Variants in DZIP3 observed in about 807,000 individuals in gnomAD.
The protein encoded by DZIP3 is DAZ interacting zinc finger protein 3.
A neutral mutation model predicts 162.0 loss-of-function variants in DZIP3; 118 were observed. The ratio of observed to expected loss-of-function variants is 0.73; its 90% CI spans 0.63 to 0.85. DZIP3 has a LOEUF of 0.85. Ranked by LOEUF, DZIP3 falls within the 40% of genes least tolerant of loss-of-function variation. DZIP3 has a pLI of 0.00. For synonymous variants in DZIP3, 438 were observed against 458.6 expected, an observed-to-expected ratio of 0.96 and a Z score of 0.57; for missense variants, 1,331 against 1,407.0, an observed-to-expected ratio of 0.95 and a Z score of 0.86.
At position 108,629,261 on chromosome 3, in the gene DZIP3, T is replaced by C. The variant is rs956556765; in HGVS notation, c.696+85T>C. ...CATATTCTTACAGCAAGCATGTTCTTTTATTGGCACATAACTTTTTATACA... is the reference window on the plus strand; with the variant it reads ...CATATTCTTACAGCAAGCATGTTCTCTTATTGGCACATAACTTTTTATACA... On this transcript the variant is annotated intron_variant, in intron 8 of 32. Coordinates refer to ENST00000361582, the MANE Select transcript of DZIP3 (RefSeq NM_014648.4). 15 of 890,980 alleles carry C rather than the reference T, an allele frequency of 1.7e-5. No individual in the cohort carries two copies. In the African/African-American group the frequency reaches 2.4e-4, roughly 14 times the overall value. The allele number at this position is 890,980 out of a possible 1,614,324, so 55.2% of individuals were successfully genotyped here. A position where few individuals can be genotyped will look rare whatever the true frequency, so the allele number is the denominator to read the frequency against.
chr3:108,622,880 C>CTGTGTGTGTG (rs1553703883), intron 5 of DZIP3, among the ~76,000 whole-genome samples: 24 of 53,094 alleles, frequency 4.5e-4, no homozygotes, highest in South Asian at 9.1e-4. Flanking sequence ...CTCTCTCTCT[C>CTGTGTGTGTG]TGTGTGTGTG....
intron 19 of DZIP3, among the ~76,000 whole-genome samples, chr3:108,660,796 A>AAAC (rs369285907): frequency 2.0e-5 from 3 of 151,900 alleles, no homozygotes; most frequent in South Asian, 2.1e-4. Context: ...TTACAAGAAA[A>AAAC]AAACAACCCC....
intron 5 of DZIP3, among the ~76,000 whole-genome samples, chr3:108,620,432 C>A (rs1353665804): frequency 6.6e-6 from 1 of 152,186 alleles, no homozygotes; most frequent in Admixed American, 6.5e-5. Context: ...AGCCAAAGAT[C>A]AACTTTGCAA....
chr3:108,600,888 C>G (rs1939975905), intron 1 of DZIP3, among the ~76,000 whole-genome samples: 1 of 152,156 alleles, frequency 6.6e-6, no homozygotes, highest in South Asian at 2.1e-4. Context: ...TTGACACACA[C>G]TCTGCTTTGA....
chr3:108,685,883 T>A (rs1012640951), intron 27 of DZIP3, among the ~76,000 whole-genome samples: 1 of 152,190 alleles, frequency 6.6e-6, no homozygotes, highest in African/African-American at 2.4e-5. Context: ...CGTGTATACA[T>A]ATGCATTTAA....
At chr3:108,599,855 A>G (rs1939905572) in intron 1 of DZIP3, among the ~76,000 whole-genome samples, 1 of 152,210 alleles carries the variant, frequency 6.6e-6, no homozygotes, top group Non-Finnish European at 1.5e-5. Flanking sequence ...CTTTGCTGAC[A>G]CATTGATCTC....
intron 20 of DZIP3, 53 bp downstream of exon 20, chr3:108,662,025 A>G: frequency 6.3e-7 from 1 of 1,591,794 alleles, no homozygotes; most frequent in Non-Finnish European, 8.6e-7. Flanking sequence ...TTCAAATATT[A>G]AACTTACTGG....
intron 27 of DZIP3, among the ~76,000 whole-genome samples, chr3:108,684,997 T>C (rs1944447462): frequency 6.6e-6 from 1 of 152,210 alleles, no homozygotes; most frequent in Non-Finnish European, 1.5e-5. Context: ...ATGAAAATTC[T>C]CTAATCTTGA....
chr3:108,674,283 A>G lies in DZIP3; in HGVS notation c.2693+102A>G, dbSNP rs148368556. On this transcript the variant is annotated intron_variant, in intron 24 of 32. Coordinates refer to ENST00000361582, the MANE Select transcript of DZIP3 (RefSeq NM_014648.4). ...TGATGTGTTTTACATATGTGACATC[A>G]GAGTTCTTAAAGAAGCTCTTGTGGT... is the stretch of plus-strand genomic sequence containing the variant. 177 of 970,116 alleles carry G rather than the reference A, an allele frequency of 1.8e-4. 1 individual carries two copies. The African/African-American group carries it at 2.7e-3, about 15-fold the overall frequency. 60.1% of individuals were successfully genotyped at this position (970,116 alleles called of 1,614,324 possible).
At chr3:108,681,482 G>A (rs1364825178) in intron 26 of DZIP3, among the ~76,000 whole-genome samples, 1 of 152,080 alleles carries the variant, frequency 6.6e-6, no homozygotes, top group Admixed American at 6.6e-5. Context: ...ACTGTTGGTG[G>A]GAGTGTAAAT....
At chr3:108,603,955 C>T (rs1940178458) in intron 1 of DZIP3, among the ~76,000 whole-genome samples, 1 of 152,160 alleles carries the variant, frequency 6.6e-6, no homozygotes. Context: ...TCTGCATTTA[C>T]TTCTTCCTGT....
At chr3:108,651,369 T>C (rs1239219869) in intron 18 of DZIP3, among the ~76,000 whole-genome samples, 4 of 151,704 alleles carry the variant, frequency 2.6e-5, no homozygotes, top group African/African-American at 9.7e-5. Context: ...TATCATTTGC[T>C]TTGGAAGAAT....
At chr3:108,677,176 T>C (rs1322031205) in intron 25 of DZIP3, among the ~76,000 whole-genome samples, 1 of 152,074 alleles carries the variant, frequency 6.6e-6, no homozygotes, top group East Asian at 1.9e-4. Flanking sequence ...CTTTAGTCTC[T>C]TTTTTTATTT....
chr3:108,601,698 GTAGTGCCA>G (rs1576342712), intron 1 of DZIP3, among the ~76,000 whole-genome samples: 1 of 152,130 alleles, frequency 6.6e-6, no homozygotes, highest in African/African-American at 2.4e-5. Flanking sequence ...AATCAACCCA[GTAGTGCCA>G]TAGATAGTTG....
intron 5 of DZIP3, 76 bp from the exon 6 acceptor site, chr3:108,624,368 G>A (rs1296045369): frequency 3.9e-6 from 3 of 762,784 alleles, no homozygotes; most frequent in African/African-American, 1.8e-5. Flanking sequence ...ATTAAGCTTA[G>A]GATATTTAAT....
At chr3:108,626,117 C>A (rs1941579948) in intron 7 of DZIP3, 148 bp downstream of exon 7, 2 of 939,382 alleles carry the variant, frequency 2.1e-6, no homozygotes, top group Non-Finnish European at 1.5e-6. Context: ...TAGATAATTT[C>A]TTTAATGTAG....
At chr3:108,643,471 T>A (rs1224708813) in intron 13 of DZIP3, among the ~76,000 whole-genome samples, 2 of 151,810 alleles carry the variant, frequency 1.3e-5, no homozygotes, top group Non-Finnish European at 2.9e-5. Flanking sequence ...TTTCAGTAGG[T>A]CTAGAGTGGG....
intron 19 of DZIP3, among the ~76,000 whole-genome samples, chr3:108,658,007 A>G (rs564748172): frequency 1.3e-5 from 2 of 152,212 alleles, no homozygotes; most frequent in East Asian, 3.9e-4. Flanking sequence ...TTAAAGACCT[A>G]CAAAGAGACT....
intron 12 of DZIP3, among the ~76,000 whole-genome samples, chr3:108,640,935 T>G (rs1054101815): frequency 6.6e-6 from 1 of 152,016 alleles, no homozygotes; most frequent in Non-Finnish European, 1.5e-5. Flanking sequence ...TATGACAATC[T>G]CTGCTTTTAA....
Sources: allele counts gnomAD v4.1 joint callset (sites outside exome capture counted in the v4.1 genomes callset), GRCh38; gene constraint gnomAD v4.1.1; transcripts MANE v1.5; gene names NCBI Gene and HGNC (gene_info 2026-07-23, HGNC 2026-07-21).